The following KCNQ5 variants were observed in gnomAD, a reference collection of about 807,000 sequenced individuals.
KCNQ5 encodes potassium voltage-gated channel subfamily Q member 5, also known as potassium voltage-gated channel subfamily KQT member 5.
A neutral mutation model predicts 98.2 loss-of-function variants in KCNQ5; 30 were observed. The ratio of observed to expected loss-of-function variants is 0.31; its 90% CI spans 0.23 to 0.41. The LOEUF (loss-of-function observed/expected upper bound fraction) is 0.41, where lower values mean the gene tolerates loss of function less well. KCNQ5 is among the 10% of genes least tolerant of loss of function. The pLI, the probability that KCNQ5 is intolerant of heterozygous loss-of-function variation, is 1.00. For missense variants in KCNQ5, 835 were observed against 1,182.5 expected (o/e 0.71, Z 4.31); for synonymous variants, 458 against 449.4 (o/e 1.02, Z -0.24).
chr6:72,704,652 C>G lies in KCNQ5; in HGVS notation c.398+82065C>G, dbSNP rs980076817. 2.0e-5 allele frequency among the ~76,000 whole-genome samples: 3 copies of G among 151,186 alleles called. No individual in the cohort carries two copies. In the East Asian group the frequency reaches 5.8e-4, roughly 29 times the overall value. On this transcript the variant is annotated intron_variant, in intron 1 of 13. Coordinates refer to ENST00000370398, the MANE Select transcript of KCNQ5 (RefSeq NM_019842.4). ...TTATAAATGATAAAAAAAAAAGTTA[C>G]TTCCATTCATGTAAATATAAAGTTT... is the stretch of plus-strand genomic sequence containing the variant.
intron 2 of KCNQ5, among the ~76,000 whole-genome samples, chr6:73,037,232 G>T (rs1771473463): frequency 6.6e-6 from 1 of 151,968 alleles, no homozygotes; most frequent in Admixed American, 6.6e-5. Flanking sequence ...TTTTACTGTT[G>T]AGTTTTAAGG....
intron 1 of KCNQ5, among the ~76,000 whole-genome samples, chr6:72,765,312 G>A (rs1245453236): frequency 6.6e-6 from 1 of 151,904 alleles, no homozygotes; most frequent in Non-Finnish European, 1.5e-5. Flanking sequence ...GGTTGTGGGG[G>A]AACAGTGGGC....
At chr6:72,662,083 T>G (rs1419829840) in intron 1 of KCNQ5, among the ~76,000 whole-genome samples, 1 of 152,152 alleles carries the variant, frequency 6.6e-6, no homozygotes, top group East Asian at 1.9e-4. Context: ...TCTTTCTTCT[T>G]ATTTCTTTCC....
At position 73,195,470 on chromosome 6, in the gene KCNQ5, G is replaced by T; in HGVS notation, c.*56G>T. ...TCTTTAGCCATACATATCATTGCAT[G>T]AACTATTTCGAAAGCCCTTCTAAAA... On this transcript the variant is annotated 3_prime_UTR_variant, in exon 14 of 14. Coordinates refer to ENST00000370398, the MANE Select transcript of KCNQ5 (RefSeq NM_019842.4). 6.5e-7 allele frequency: 1 copy of T among 1,547,012 alleles called. No individual in the cohort carries two copies. Among genetic ancestry groups the T allele is most frequent in the South Asian group, 1.2e-5 (1 of 82,004 alleles).
chr6:72,960,272 C>A (rs150220403), intron 1 of KCNQ5, among the ~76,000 whole-genome samples: 1 of 152,266 alleles, frequency 6.6e-6, no homozygotes, highest in Admixed American at 6.5e-5. Flanking sequence ...CTTTACACTG[C>A]CCATGATGTC....
At chr6:73,031,426 C>T (rs1203875785) in intron 2 of KCNQ5, among the ~76,000 whole-genome samples, 7 of 152,270 alleles carry the variant, frequency 4.6e-5, no homozygotes, top group Admixed American at 1.3e-4. Flanking sequence ...CTCATTTTTC[C>T]ACCTCCAGCT....
chr6:72,937,191 A>G (rs1765977313), intron 1 of KCNQ5, among the ~76,000 whole-genome samples: 1 of 152,196 alleles, frequency 6.6e-6, no homozygotes, highest in Non-Finnish European at 1.5e-5. Flanking sequence ...GAGATGCTTT[A>G]AAATTCTTTA....
chr6:72,905,019 GT>G (rs1779648079), intron 1 of KCNQ5, among the ~76,000 whole-genome samples: 1 of 151,898 alleles, frequency 6.6e-6, no homozygotes, highest in Non-Finnish European at 1.5e-5. Context: ...TTATTTTTAG[GT>G]TTGGTCATTT....
At chr6:72,958,573 AT>A (rs1767194750) in intron 1 of KCNQ5, among the ~76,000 whole-genome samples, 1 of 152,190 alleles carries the variant, frequency 6.6e-6, no homozygotes, top group East Asian at 1.9e-4. Context: ...CTATATTGAT[AT>A]GGTTATGGGA....
chr6:72,721,062 G>A (rs1769929851), intron 1 of KCNQ5, among the ~76,000 whole-genome samples: 1 of 152,128 alleles, frequency 6.6e-6, no homozygotes, highest in South Asian at 2.1e-4. Context: ...CTACCTATGT[G>A]ATAATGGAAA....
At chr6:72,820,201 C>T (rs1465268020) in intron 1 of KCNQ5, among the ~76,000 whole-genome samples, 3 of 152,154 alleles carry the variant, frequency 2.0e-5, no homozygotes, top group African/African-American at 7.2e-5. Context: ...GCAGGTTGAA[C>T]AAGTAGAGGA....
chr6:72,660,295 A>T (rs1330030893), intron 1 of KCNQ5, among the ~76,000 whole-genome samples: 1 of 152,186 alleles, frequency 6.6e-6, no homozygotes, highest in East Asian at 1.9e-4. Context: ...TCTCAAGATC[A>T]CTTAAATTAT....
At chr6:73,124,955 A>ATT (rs1775897742) in intron 9 of KCNQ5, among the ~76,000 whole-genome samples, 1 of 8,938 alleles carries the variant, frequency 1.1e-4, no homozygotes, top group African/African-American at 4.7e-4. Flanking sequence ...ATATATATAT[A>ATT]TATATATATA....
chr6:72,693,302 T>A (rs746082849), intron 1 of KCNQ5, among the ~76,000 whole-genome samples: 2 of 151,992 alleles, frequency 1.3e-5, no homozygotes, highest in Non-Finnish European at 2.9e-5. Flanking sequence ...GAGAGTGTGT[T>A]TGGGAGCAAG....
chr6:72,686,982 CAT>C (rs1767991211), intron 1 of KCNQ5, among the ~76,000 whole-genome samples: 1 of 152,100 alleles, frequency 6.6e-6, no homozygotes, highest in African/African-American at 2.4e-5. Flanking sequence ...TCACTGTAAA[CAT>C]AATCTGGATA....
intron 1 of KCNQ5, among the ~76,000 whole-genome samples, chr6:72,634,512 A>G (rs1037135074): frequency 2.0e-5 from 3 of 151,950 alleles, no homozygotes; most frequent in African/African-American, 7.2e-5. Flanking sequence ...TTTGTATCCT[A>G]TATAGGGCAT....
At chr6:72,787,110 T>C (rs922596811) in intron 1 of KCNQ5, among the ~76,000 whole-genome samples, 1 of 151,688 alleles carries the variant, frequency 6.6e-6, no homozygotes, top group Non-Finnish European at 1.5e-5. Context: ...TTGGCTACCC[T>C]GACCTGTGAG....
At chr6:72,694,309 A>G (rs1007132018) in intron 1 of KCNQ5, among the ~76,000 whole-genome samples, 58 of 152,194 alleles carry the variant, frequency 3.8e-4, no homozygotes, top group African/African-American at 1.3e-3. Flanking sequence ...GTGGCTGGGC[A>G]GGAAGACTTG....
chr6:72,923,455 C>G (rs1346536662), intron 1 of KCNQ5, among the ~76,000 whole-genome samples: 1 of 152,118 alleles, frequency 6.6e-6, no homozygotes, highest in African/African-American at 2.4e-5. Flanking sequence ...TGTCTCATTA[C>G]AGTTTTAATT....
Sources: gnomAD v4.1 joint callset for allele counts (sites outside exome capture counted in the v4.1 genomes callset) on GRCh38, gnomAD v4.1.1 for gene constraint, MANE v1.5 for transcripts, NCBI Gene and HGNC (gene_info 2026-07-23, HGNC 2026-07-21) for gene names.